Variants in AGPAT4 observed in about 807,000 individuals in gnomAD.
AGPAT4 encodes the protein 1-acylglycerol-3-phosphate O-acyltransferase 4.
In AGPAT4, 15 loss-of-function variants were observed where a neutral mutation model predicts 48.0. That is an observed-to-expected ratio of 0.31 (90% confidence interval 0.21 to 0.48). The LOEUF is 0.48. Ranked by LOEUF, AGPAT4 falls within the 20% of genes least tolerant of loss-of-function variation. The pLI is 0.99. For synonymous variants in AGPAT4, 178 were observed against 198.7 expected (o/e 0.90, Z 0.88); for missense variants, 314 against 482.5 (o/e 0.65, Z 3.27).
chr6:161,181,695 A>C (rs1462890114), intron 2 of AGPAT4, among the ~76,000 whole-genome samples: 3 of 152,186 alleles, frequency 2.0e-5, no homozygotes, highest in African/African-American at 7.2e-5. Flanking sequence ...CTGTGACACC[A>C]AACTGGGAGC....
At chr6:161,174,843 G>A in intron 2 of AGPAT4, among the ~76,000 whole-genome samples, 1 of 152,164 alleles carries the variant, frequency 6.6e-6, no homozygotes, top group Non-Finnish European at 1.5e-5. Flanking sequence ...TTTATTGAGA[G>A]TTTTTAGCAT....
At chr6:161,241,220 G>T (rs1411369204) in intron 1 of AGPAT4, among the ~76,000 whole-genome samples, 1 of 139,404 alleles carries the variant, frequency 7.2e-6, no homozygotes, top group Middle Eastern at 4.3e-3. Context: ...CCAAGATCGC[G>T]CCATTGCACT....
Position 161,232,133 on chromosome 6 carries a change from G to A in AGPAT4, c.81C>T (p.Ile27=), listed in dbSNP as rs1782139930. ...FCYVFIASGL[I]INTIQLFTLL... ...GAGTGAAGAGCTGAATGGTGTTGAT[G>A]ATTAGCCCTGAGGCAATAAAGACGT... Residue 27 remains isoleucine, a synonymous_variant, in exon 2 of 9, where the codon ATC becomes ATT. Transcript: ENST00000320285. The surrounding 1 kb of genome is among the most constrained non-coding windows in gnomAD (Gnocchi z 6.8). The A allele has an allele frequency of 1.2e-6, 2 of 1,614,162 alleles. No homozygotes were observed. Among genetic ancestry groups the A allele is most frequent in the Non-Finnish European group, 1.7e-6 (2 of 1,180,030 alleles).
In AGPAT4 at chr6:161,232,344, G is replaced by A. The variant is rs1315371537; in HGVS notation, c.-89-42C>T. The A allele has an allele frequency of 5.4e-6, 5 of 919,054 alleles. No individual in the cohort carries two copies. Among genetic ancestry groups the A allele is most frequent in the African/African-American group, 5.0e-5 (3 of 59,750 alleles). The allele number at this position is 919,054 out of a possible 1,614,324, so 56.9% of individuals were successfully genotyped here. On this transcript the variant is annotated intron_variant, in intron 1 of 8. Transcript: ENST00000320285. This position sits in a 1 kb window ranked among gnomAD's most constrained non-coding sequence, Gnocchi z 6.8. ...TAGGAAATGTTAGCAAAAACACGAT[G>A]TGCTTTTAGAGTCAGAAAAAAAGTG...
At chr6:161,237,782 C>T (rs1438677720) in intron 1 of AGPAT4, among the ~76,000 whole-genome samples, 1 of 152,044 alleles carries the variant, frequency 6.6e-6, no homozygotes, top group Non-Finnish European at 1.5e-5. Flanking sequence ...GAAATCCACC[C>T]CATTCTGAGC....
chr6:161,151,980 G>A (rs548918469), intron 5 of AGPAT4, among the ~76,000 whole-genome samples: 1 of 152,246 alleles, frequency 6.6e-6, no homozygotes, highest in Non-Finnish European at 1.5e-5. Context: ...CCTCTGTGCC[G>A]CTGACCTTCT....
intron 2 of AGPAT4, among the ~76,000 whole-genome samples, chr6:161,210,167 C>T (rs1267369104): frequency 2.0e-5 from 3 of 152,148 alleles, no homozygotes; most frequent in African/African-American, 7.2e-5. Flanking sequence ...TCTAAATAAA[C>T]CTGGTCTCCT....
In AGPAT4 at chr6:161,134,035, T is replaced by C; in HGVS notation, c.*2505A>G. 1 of 152,384 alleles carries C rather than the reference T, an allele frequency of 6.6e-6. No homozygotes were observed. Among genetic ancestry groups the C allele is most frequent in the Non-Finnish European group, 1.5e-5 (1 of 68,088 alleles). The allele number at this position is 152,384 out of a possible 1,614,324, so 9.4% of individuals were successfully genotyped here. On this transcript the variant is annotated 3_prime_UTR_variant, in exon 9 of 9. Coordinates refer to ENST00000320285, the MANE Select transcript of AGPAT4 (RefSeq NM_020133.3). ...CCGTCCAGGAGTACCCGTGGTTGTC[T>C]GTGTCATTAAGGGCGCAGGGTGTAA...
In AGPAT4 at chr6:161,221,480, A is replaced by C. The variant is rs1781833749; in HGVS notation, c.178+10556T>G. On this transcript the variant is annotated intron_variant, in intron 2 of 8. Transcript: ENST00000320285. The surrounding 1 kb of genome is among the most constrained non-coding windows in gnomAD (Gnocchi z 4.5). Reference sequence around the variant, plus strand: ...AGGGGTGGGAGAGATAGAAAGGAGAAAAAGGGAGAGGAGAGAGAAATAGAT... The same window carrying C: ...AGGGGTGGGAGAGATAGAAAGGAGACAAAGGGAGAGGAGAGAGAAATAGAT... Among the ~76,000 whole-genome samples, 1 of 152,208 alleles carries C rather than the reference A, an allele frequency of 6.6e-6. No homozygotes were observed. Among genetic ancestry groups the C allele is most frequent in the Admixed American group, 6.5e-5 (1 of 15,292 alleles).
chr6:161,246,273 A>G lies in AGPAT4; in HGVS notation c.-89-13971T>C, dbSNP rs1188883104. ...AATTCACGCATACATTCATTCGTCC[A>G]CTGAGAAGTATATTCATTCATTAGG... On this transcript the variant is annotated intron_variant, in intron 1 of 8. Coordinates refer to ENST00000320285, the MANE Select transcript of AGPAT4 (RefSeq NM_020133.3). The surrounding 1 kb of genome is among the most constrained non-coding windows in gnomAD (Gnocchi z 5.5). Among the ~76,000 whole-genome samples the G allele has an allele frequency of 6.6e-6, 1 of 152,188 alleles. No homozygotes were observed. Among genetic ancestry groups the G allele is most frequent in the Non-Finnish European group, 1.5e-5 (1 of 68,028 alleles).
intron 2 of AGPAT4, among the ~76,000 whole-genome samples, chr6:161,205,084 G>A (rs546477553): frequency 1.3e-5 from 2 of 152,280 alleles, no homozygotes; most frequent in Non-Finnish European, 2.9e-5. Flanking sequence ...TGGAAGGGAC[G>A]TTTGGGAAGC....
At position 161,161,074 on chromosome 6, in the gene AGPAT4, C is replaced by G. The variant is rs894353891; in HGVS notation, c.348+5174G>C. On this transcript the variant is annotated intron_variant, in intron 3 of 8. Coordinates refer to ENST00000320285, the MANE Select transcript of AGPAT4 (RefSeq NM_020133.3). The surrounding 1 kb of genome is among the most constrained non-coding windows in gnomAD (Gnocchi z 4.6). ...CCAAGTCGGTGTACAGCAGACAGCA[C>G]AGGCTGTGACCGTTTGCTGAGGGCT... 1 of 456,726 alleles carries G rather than the reference C, an allele frequency of 2.2e-6. No individual in the cohort carries two copies. Among genetic ancestry groups the G allele is most frequent in the Admixed American group, 2.3e-5 (1 of 42,590 alleles). The allele number at this position is 456,726 out of a possible 1,614,324, so 28.3% of individuals were successfully genotyped here.
At chr6:161,176,183 G>A (rs1167223773) in intron 2 of AGPAT4, among the ~76,000 whole-genome samples, 1 of 152,120 alleles carries the variant, frequency 6.6e-6, no homozygotes, top group South Asian at 2.1e-4. Flanking sequence ...TCAATTCCTG[G>A]ATATCCTTGT....
At position 161,195,962 on chromosome 6, in the gene AGPAT4, G is replaced by A. The variant is rs192828093; in HGVS notation, c.179-29545C>T. Among the ~76,000 whole-genome samples, 77 of 152,286 alleles carry A rather than the reference G, an allele frequency of 5.1e-4. No individual in the cohort carries two copies. Among genetic ancestry groups the A allele is most frequent in the Non-Finnish European group, 7.9e-4 (54 of 68,028 alleles). On this transcript the variant is annotated intron_variant, in intron 2 of 8. Transcript: ENST00000320285. The surrounding 1 kb of genome is among the most constrained non-coding windows in gnomAD (Gnocchi z 5.0). ...TGACATTGATCAGGCTCTCCCCACCGTGTGCAGAGGCAGCTCACACCCACA... is the reference window on the plus strand; with the variant it reads ...TGACATTGATCAGGCTCTCCCCACCATGTGCAGAGGCAGCTCACACCCACA...
Position 161,231,900 on chromosome 6 carries a change from T to G in AGPAT4, c.178+136A>C. 1 of 895,700 alleles carries G rather than the reference T, an allele frequency of 1.1e-6. No individual in the cohort carries two copies. Among genetic ancestry groups the G allele is most frequent in the South Asian group, 2.2e-5 (1 of 45,708 alleles). The allele number at this position is 895,700 out of a possible 1,614,324, so 55.5% of individuals were successfully genotyped here. A position where few individuals can be genotyped will look rare whatever the true frequency, so the allele number is the denominator to read the frequency against. ...GGGGGATTGAGAACAAAATAGCCAT[T>G]TCAAACCTAAAACAAAAACAAAACA... On this transcript the variant is annotated intron_variant, in intron 2 of 8. Coordinates refer to ENST00000320285, the MANE Select transcript of AGPAT4 (RefSeq NM_020133.3). The surrounding 1 kb of genome is among the most constrained non-coding windows in gnomAD (Gnocchi z 5.3).
At chr6:161,145,942 G>T (rs760227259) in intron 7 of AGPAT4, among the ~76,000 whole-genome samples, 6 of 151,690 alleles carry the variant, frequency 4.0e-5, no homozygotes, top group Non-Finnish European at 8.8e-5. Flanking sequence ...GTAGTTATGA[G>T]ACTCCCTTCC....
In AGPAT4 at chr6:161,214,461, AC is replaced by A. The variant is rs1415989015; in HGVS notation, c.178+17574del. 6.6e-6 allele frequency among the ~76,000 whole-genome samples: 1 copy of A among 152,230 alleles called. No individual in the cohort carries two copies. Among genetic ancestry groups the A allele is most frequent in the African/African-American group, 2.4e-5 (1 of 41,468 alleles). ...TGTAGGTCACTGTAACACAATGGTA[AC>A]TATTTGTGTATCTAAACATAGGGCT... On this transcript the variant is annotated intron_variant, in intron 2 of 8. Transcript: ENST00000320285. The surrounding 1 kb of genome is among the most constrained non-coding windows in gnomAD (Gnocchi z 5.4).
At position 161,208,650 on chromosome 6, in the gene AGPAT4, T is replaced by C. The variant is rs1428309055; in HGVS notation, c.178+23386A>G. 1.3e-5 allele frequency among the ~76,000 whole-genome samples: 2 copies of C among 152,176 alleles called. No individual in the cohort carries two copies. Among genetic ancestry groups the C allele is most frequent in the African/African-American group, 4.8e-5 (2 of 41,442 alleles). On this transcript the variant is annotated intron_variant, in intron 2 of 8. Coordinates refer to ENST00000320285, the MANE Select transcript of AGPAT4 (RefSeq NM_020133.3). This position sits in a 1 kb window ranked among gnomAD's most constrained non-coding sequence, Gnocchi z 4.6. ...GTAACTATCATTCATCACTTAGATC[T>C]TCAAGATTCACAGCAACAGAAAAAC...
chr6:161,209,716 T>C (rs1483542371), intron 2 of AGPAT4, among the ~76,000 whole-genome samples: 1 of 152,174 alleles, frequency 6.6e-6, no homozygotes, highest in Non-Finnish European at 1.5e-5. Flanking sequence ...TGGGTCCTCA[T>C]TTGTCTGTCC....
Sources: allele counts gnomAD v4.1 joint callset (sites outside exome capture counted in the v4.1 genomes callset), GRCh38; gene constraint gnomAD v4.1.1; non-coding constraint Gnocchi (gnomAD v3.1); transcripts MANE v1.5; gene names NCBI Gene and HGNC (gene_info 2026-07-23, HGNC 2026-07-21).